The following RBPJ variants were observed in gnomAD, a reference collection of about 807,000 sequenced individuals.
RBPJ encodes the protein recombination signal binding protein for immunoglobulin kappa J region, also known as recombining binding protein suppressor of hairless.
In RBPJ, 9 loss-of-function variants were observed where a neutral mutation model predicts 67.8. The observed-to-expected ratio is 0.13, with a 90% CI of 0.08 to 0.23. The LOEUF (loss-of-function observed/expected upper bound fraction) is 0.23. Among genes scored for constraint, RBPJ ranks in the 10% least tolerant of loss-of-function variants. The pLI is 1.00. For missense variants in RBPJ, 305 were observed against 595.6 expected (o/e 0.51, Z 5.08); for synonymous variants, 198 against 203.3 (o/e 0.97, Z 0.22).
intron 1 of RBPJ, among the ~76,000 whole-genome samples, chr4:26,366,124 G>A (rs1728596216): frequency 6.6e-6 from 1 of 152,164 alleles, no homozygotes; most frequent in African/African-American, 2.4e-5. Context: ...TGTGTCAGTG[G>A]CATGTGTATG....
At chr4:26,171,892 G>A (rs1716600934) in intron 1 of RBPJ, among the ~76,000 whole-genome samples, 1 of 152,192 alleles carries the variant, frequency 6.6e-6, no homozygotes, top group Admixed American at 6.5e-5. Flanking sequence ...GCAGGCTCGG[G>A]GTTTTGCATG....
intron 1 of RBPJ, among the ~76,000 whole-genome samples, chr4:26,191,251 A>G (rs1560204259): frequency 2.8e-4 from 37 of 130,400 alleles, no homozygotes; most frequent in African/African-American, 1.1e-3. Context: ...ATAGAGAGAG[A>G]GAGAGGGAGA....
At chr4:26,218,647 G>A (rs1222421856) in intron 1 of RBPJ, among the ~76,000 whole-genome samples, 1 of 152,150 alleles carries the variant, frequency 6.6e-6, no homozygotes, top group Non-Finnish European at 1.5e-5. Context: ...CCAAGGGCTG[G>A]GCCTTTCTTT....
Position 26,428,913 on chromosome 4 carries a change from C to T in RBPJ, c.888+53C>T, listed in dbSNP as rs1000028510. The T allele has an allele frequency of 1.3e-5, 18 of 1,410,810 alleles. No homozygotes were observed. The African/African-American group carries it at 2.6e-4, about 20-fold the overall frequency. The allele number at this position is 1,410,810 out of a possible 1,614,324, so 87.4% of individuals were successfully genotyped here. On this transcript the variant is annotated intron_variant, in intron 8 of 10. Transcript: ENST00000355476. Reference sequence around the variant, plus strand: ...TAAAATGTACAAACTGTGAGGTTAGCAGCTTGCAAAAATATGAAATTTTCA... The same window carrying T: ...TAAAATGTACAAACTGTGAGGTTAGTAGCTTGCAAAAATATGAAATTTTCA...
At chr4:26,151,665 G>A in the RBPJ span, among the ~76,000 whole-genome samples, 2 of 152,202 alleles carry the variant, frequency 1.3e-5, no homozygotes, top group South Asian at 2.1e-4. Context: ...CACACCACCG[G>A]CCGATGACAG....
intron 2 of RBPJ, among the ~76,000 whole-genome samples, chr4:26,399,985 T>C (rs1376228711): frequency 3.3e-5 from 5 of 152,188 alleles, no homozygotes; most frequent in Admixed American, 3.3e-4. Flanking sequence ...TCATTTAGAA[T>C]GAAAATTTTA....
At chr4:26,142,002 G>T in the RBPJ span, among the ~76,000 whole-genome samples, 3 of 152,258 alleles carry the variant, frequency 2.0e-5, no homozygotes, top group African/African-American at 7.2e-5. Context: ...TTAAACCTCT[G>T]AGGCTTTGCA....
intron 7 of RBPJ, 103 bp from the exon 8 acceptor site, chr4:26,428,617 T>C (rs1735918938): frequency 1.3e-6 from 1 of 780,246 alleles, no homozygotes; most frequent in African/African-American, 1.8e-5. Flanking sequence ...AACTGTGATG[T>C]ATTATTATGC....
the RBPJ span, among the ~76,000 whole-genome samples, chr4:26,109,699 G>C: frequency 1.4e-5 from 1 of 69,000 alleles, no homozygotes; most frequent in Non-Finnish European, 2.8e-5. Flanking sequence ...CACTGTGCCT[G>C]TCCACCTTCC....
intron 1 of RBPJ, among the ~76,000 whole-genome samples, chr4:26,304,027 C>T (rs888551711): frequency 8.5e-5 from 13 of 152,082 alleles, no homozygotes; most frequent in African/African-American, 3.1e-4. Flanking sequence ...CACAGTTATC[C>T]CCACATACAC....
At chr4:26,136,811 T>C in the RBPJ span, among the ~76,000 whole-genome samples, 1 of 152,186 alleles carries the variant, frequency 6.6e-6, no homozygotes, top group Non-Finnish European at 1.5e-5. Context: ...TTATTTATCT[T>C]TTCCCCAATG....
the RBPJ span, among the ~76,000 whole-genome samples, chr4:26,114,497 A>ATATGTGTGTGTGTG: frequency 7.1e-6 from 1 of 140,038 alleles, no homozygotes; most frequent in African/African-American, 2.8e-5. Context: ...ATATATATAT[A>ATATGTGTGTGTGTG]TGTATGTGTG....
chr4:26,153,364 A>G, the RBPJ span, among the ~76,000 whole-genome samples: 12 of 152,262 alleles, frequency 7.9e-5, no homozygotes, highest in Non-Finnish European at 1.6e-4. Context: ...GCACAGTAGC[A>G]TGCCCAGAAT....
chr4:26,224,713 A>G (rs1199878746), intron 1 of RBPJ, among the ~76,000 whole-genome samples: 1 of 152,214 alleles, frequency 6.6e-6, no homozygotes, highest in Non-Finnish European at 1.5e-5. Flanking sequence ...CTACTGAAGC[A>G]TGGTGTTAGC....
intron 3 of RBPJ, among the ~76,000 whole-genome samples, chr4:26,410,822 G>T (rs1012149904): frequency 6.6e-6 from 1 of 152,190 alleles, no homozygotes; most frequent in Non-Finnish European, 1.5e-5. Flanking sequence ...GGAAATCAGT[G>T]GTTGAAACAG....
chr4:26,251,064 T>C (rs1577358389), intron 1 of RBPJ, among the ~76,000 whole-genome samples: 3 of 152,348 alleles, frequency 2.0e-5, no homozygotes, highest in South Asian at 4.1e-4. Context: ...GCTTTCATTT[T>C]TGAGATATCT....
the RBPJ span, among the ~76,000 whole-genome samples, chr4:26,151,835 A>G: frequency 0.47 from 72,197 of 152,160 alleles, 17,558 homozygotes; most frequent in Non-Finnish European, 0.55. Flanking sequence ...TTCTTCGCAA[A>G]TAAGTTTTTC....
At chr4:26,301,165 G>A (rs1462635929) in intron 1 of RBPJ, among the ~76,000 whole-genome samples, 1 of 152,142 alleles carries the variant, frequency 6.6e-6, no homozygotes, top group East Asian at 1.9e-4. Flanking sequence ...TTTATCCTCG[G>A]TTTGCAAATG....
the RBPJ span, chr4:26,112,609 A>G: frequency 6.8e-6 from 1 of 147,662 alleles, no homozygotes; most frequent in Non-Finnish European, 1.5e-5. Flanking sequence ...CACTTTAAAT[A>G]TAATGAATGT....
Sources: gnomAD v4.1 joint callset for allele counts (sites outside exome capture counted in the v4.1 genomes callset) on GRCh38, gnomAD v4.1.1 for gene constraint, MANE v1.5 for transcripts, NCBI Gene and HGNC (gene_info 2026-07-23, HGNC 2026-07-21) for gene names.